CLN8: variants seen among roughly 807,000 people sequenced by gnomAD.
The protein encoded by CLN8 is protein CLN8.
CLN8 carries 14 observed loss-of-function variants against 15.7 expected under a neutral mutation model. The ratio of observed to expected loss-of-function variants is 0.89; its 90% CI spans 0.59 to 1.39. The LOEUF (loss-of-function observed/expected upper bound fraction) is 1.39, where lower values mean the gene tolerates loss of function less well. CLN8 is among the 40% of genes most tolerant of loss of function. CLN8 has a pLI of 0.00. For synonymous variants in CLN8, 188 were observed against 151.0 expected (o/e 1.25, Z -1.80); for missense variants, 415 against 364.0 (o/e 1.14, Z -1.14).
rs1406500764 is a variant in CLN8 at position 1,781,056 on chromosome 8, C to T, written c.*489C>T. The T allele has an allele frequency of 2.5e-5, 4 of 158,540 alleles. No individual in the cohort carries two copies. Among genetic ancestry groups the T allele is most frequent in the Admixed American group, 1.8e-4 (3 of 16,254 alleles). The allele number at this position is 158,540 out of a possible 1,614,324, so 9.8% of individuals were successfully genotyped here. A position where few individuals can be genotyped will look rare whatever the true frequency, so the allele number is the denominator to read the frequency against. On this transcript the variant is annotated 3_prime_UTR_variant, in exon 3 of 3. Coordinates refer to ENST00000331222, the MANE Select transcript of CLN8 (RefSeq NM_018941.4). ...TGATTTGTTCCTTATTAAAGCTTCCCAGCGTATGAAATTCTAAGCTGGGTG... is the reference window on the plus strand; with the variant it reads ...TGATTTGTTCCTTATTAAAGCTTCCTAGCGTATGAAATTCTAAGCTGGGTG...
At chr8:1,766,673 G>A (rs1462167866) in intron 1 of CLN8, among the ~76,000 whole-genome samples, 1 of 151,608 alleles carries the variant, frequency 6.6e-6, no homozygotes, top group Non-Finnish European at 1.5e-5. Flanking sequence ...TTACAGGTGT[G>A]AGCCACCCTG....
intron 1 of CLN8, chr8:1,758,102 A>C (rs1203533238): frequency 3.3e-5 from 5 of 152,148 alleles, no homozygotes; most frequent in Non-Finnish European, 5.9e-5. Flanking sequence ...TCCCGCATGC[A>C]AGCCATCGGC....
chr8:1,763,144 G>A (rs1585122670), upstream of CLN8: 4 of 152,004 alleles, frequency 2.6e-5, no homozygotes, highest in South Asian at 8.3e-4. Flanking sequence ...ACCGAGCCCC[G>A]GGGAGGCTCC....
Position 1,785,216 on chromosome 8 carries a change from G to T in CLN8, c.*4649G>T, listed in dbSNP as rs1017858354. The T allele has an allele frequency of 1.2e-5, 2 of 172,258 alleles. No homozygotes were observed. The highest frequency in any genetic ancestry group is 4.8e-5 in the African/African-American group (2 of 41,902). 10.7% of individuals were successfully genotyped at this position (172,258 alleles called of 1,614,324 possible). ...GCGGCTCGGCCGCGAAGTGTGTCAGGTGTGCATCCTGGGTGCTCCTTTGTG... is the reference window on the plus strand; with the variant it reads ...GCGGCTCGGCCGCGAAGTGTGTCAGTTGTGCATCCTGGGTGCTCCTTTGTG... On this transcript the variant is annotated 3_prime_UTR_variant, in exon 3 of 3. Transcript: ENST00000331222.
chr8:1,770,619 G>C (rs1225825591), intron 1 of CLN8, among the ~76,000 whole-genome samples: 1 of 152,190 alleles, frequency 6.6e-6, no homozygotes, highest in Non-Finnish European at 1.5e-5. Flanking sequence ...CCTGAATTGT[G>C]TGACTGATTG....
intron 1 of CLN8, among the ~76,000 whole-genome samples, chr8:1,768,213 G>A (rs987389466): frequency 2.8e-4 from 43 of 152,088 alleles, no homozygotes; most frequent in African/African-American, 9.9e-4. Context: ...CAAAGTGCTG[G>A]GATTACAGGT....
intron 2 of CLN8, among the ~76,000 whole-genome samples, chr8:1,774,746 A>G (rs1801447597): frequency 6.6e-6 from 1 of 152,222 alleles, no homozygotes; most frequent in Admixed American, 6.5e-5. Flanking sequence ...TAATCCCAGC[A>G]CTTTGGGAGG....
rs1004080456 is a variant in CLN8 at position 1,780,392 on chromosome 8, C to T, written c.686C>T (p.Pro229Leu). Residue 229 changes from proline (P) to leucine (L), a missense_variant, in exon 3 of 3, where the codon CCT (proline) becomes CTT (leucine). Physicochemically the swap from Pro to Leu is moderately conservative, Grantham distance 98. Transcript: ENST00000331222. ...GGCCTGGTCAGCAGCCTGTATCTGC[C>T]TCATTTGACACTGTTCCTTGTCGGA... ...WDGLVSSLYL[P>L]HLTLFLVGLA... The T allele has an allele frequency of 1.2e-6, 2 of 1,614,222 alleles. No individual in the cohort carries two copies. Among genetic ancestry groups the T allele is most frequent in the Non-Finnish European group, 8.5e-7 (1 of 1,180,032 alleles).
chr8:1,770,874 G>T, intron 1 of CLN8, 58 bp from the exon 2 acceptor site: 2 of 634,916 alleles, frequency 3.2e-6, no homozygotes, highest in Non-Finnish European at 5.7e-6. Context: ...CGTTACTGGG[G>T]TAGTGATGTG....
upstream of CLN8, among the ~76,000 whole-genome samples, chr8:1,753,261 A>G (rs1020040847): frequency 1.1e-4 from 17 of 152,116 alleles, no homozygotes; most frequent in African/African-American, 3.9e-4. Context: ...GAGTTCACAG[A>G]TGGTGATTTT....
Position 1,782,526 on chromosome 8 carries a change from C to G in CLN8, c.*1959C>G, listed in dbSNP as rs1453704836. 1.3e-5 allele frequency: 2 copies of G among 152,160 alleles called. No homozygotes were observed. The highest frequency in any genetic ancestry group is 2.9e-5 in the Non-Finnish European group (2 of 68,042). 9.4% of individuals were successfully genotyped at this position (152,160 alleles called of 1,614,324 possible). On this transcript the variant is annotated 3_prime_UTR_variant, in exon 3 of 3. Transcript: ENST00000331222. ...AACCTATTTATCACATTTTACGAAG[C>G]AATTTTAATCTTAAACACATCCAGC...
At chr8:1,761,707 A>G (rs1800801176), upstream of CLN8, among the ~76,000 whole-genome samples, 1 of 152,164 alleles carries the variant, frequency 6.6e-6, no homozygotes, top group Admixed American at 6.5e-5. Flanking sequence ...TCAGAGATGA[A>G]ATCGTATGGA....
At chr8:1,769,138 A>G (rs1403659794) in intron 1 of CLN8, among the ~76,000 whole-genome samples, 1 of 152,152 alleles carries the variant, frequency 6.6e-6, no homozygotes, top group Non-Finnish European at 1.5e-5. Flanking sequence ...CTGGAGTGTT[A>G]ATGGAGAAAC....
chr8:1,777,914 T>C (rs984732191), intron 2 of CLN8, among the ~76,000 whole-genome samples: 2 of 152,258 alleles, frequency 1.3e-5, no homozygotes, highest in African/African-American at 4.8e-5. Flanking sequence ...ATGATAGGAA[T>C]TGTTCAGCTC....
Position 1,782,618 on chromosome 8 carries a change from C to A in CLN8, c.*2051C>A, listed in dbSNP as rs769022013. On this transcript the variant is annotated 3_prime_UTR_variant, in exon 3 of 3. Coordinates refer to ENST00000331222, the MANE Select transcript of CLN8 (RefSeq NM_018941.4). ...CCTGGCAGGCAGCACTCTCTGCAGC[C>A]GTGCCCTTGTGGAGTCAGCAGGAGC... The A allele has an allele frequency of 2.0e-5, 3 of 152,218 alleles. No individual in the cohort carries two copies. The highest frequency in any genetic ancestry group is 4.8e-5 in the African/African-American group (2 of 41,458). 9.4% of individuals were successfully genotyped at this position (152,218 alleles called of 1,614,324 possible).
chr8:1,754,373 C>A (rs781316415), upstream of CLN8, among the ~76,000 whole-genome samples: 45 of 152,334 alleles, frequency 3.0e-4, no homozygotes, highest in Non-Finnish European at 4.9e-4. Flanking sequence ...CAGGCACCCA[C>A]AACAATTACT....
At chr8:1,763,517 CG>C (rs1800881514), upstream of CLN8, among the ~76,000 whole-genome samples, 26 of 52 alleles carry the variant, frequency 0.5, 1 homozygote, top group East Asian at 0.6. Context: ...CCCCCCGCCG[CG>C]CCCCGCCCCC....
chr8:1,765,664 G>C (rs1471579671), intron 1 of CLN8, among the ~76,000 whole-genome samples: 1 of 152,222 alleles, frequency 6.6e-6, no homozygotes, highest in South Asian at 2.1e-4. Context: ...GATTTTCTTA[G>C]TGAGTGGGTA....
At chr8:1,777,752 G>C (rs1327050281) in intron 2 of CLN8, among the ~76,000 whole-genome samples, 1 of 152,150 alleles carries the variant, frequency 6.6e-6, no homozygotes, top group Non-Finnish European at 1.5e-5. Flanking sequence ...GGCAGTAACA[G>C]ACATGGGGCT....
Sources: gnomAD v4.1 joint callset for allele counts (sites outside exome capture counted in the v4.1 genomes callset) on GRCh38, gnomAD v4.1.1 for gene constraint, MANE v1.5 for transcripts, NCBI Gene and HGNC (gene_info 2026-07-23, HGNC 2026-07-21) for gene names.